AKAP6: variants seen among roughly 807,000 people sequenced by gnomAD.
The protein encoded by AKAP6 is A-kinase anchoring protein 6, also known as A-kinase anchor protein 6.
Under a neutral mutation model 188.5 loss-of-function variants are expected in AKAP6, and 58 were observed. The observed-to-expected ratio is 0.31, with a 90% CI of 0.25 to 0.38. The LOEUF is 0.38. AKAP6 is among the 10% of genes least tolerant of loss of function. The pLI is 1.00. For missense variants in AKAP6, 2,710 were observed against 2,740.0 expected (o/e 0.99, Z 0.24); for synonymous variants, 989 against 998.6 (o/e 0.99, Z 0.18).
chr14:32,693,583 C>T (rs904228253), intron 8 of AKAP6: 4 of 152,206 alleles, frequency 2.6e-5, no homozygotes, highest in Admixed American at 6.5e-5. Flanking sequence ...CATCCTTATG[C>T]TTTGGGCTTT....
chr14:32,672,831 T>A (rs545480060), intron 7 of AKAP6, among the ~76,000 whole-genome samples: 1 of 152,274 alleles, frequency 6.6e-6, no homozygotes, highest in East Asian at 1.9e-4. Flanking sequence ...TTTCTCCAAG[T>A]ACACCAGCCA....
At chr14:32,825,984 T>G (rs1298855998) in intron 13 of AKAP6, among the ~76,000 whole-genome samples, 1 of 152,232 alleles carries the variant, frequency 6.6e-6, no homozygotes, top group African/African-American at 2.4e-5. Flanking sequence ...CAAATACATC[T>G]TTTAAAATGT....
intron 2 of AKAP6, among the ~76,000 whole-genome samples, chr14:32,527,915 A>G (rs1048458598): frequency 6.6e-6 from 1 of 152,044 alleles, no homozygotes; most frequent in Non-Finnish European, 1.5e-5. Context: ...TCATTCTTTT[A>G]ATGATGTCTT....
intron 9 of AKAP6, among the ~76,000 whole-genome samples, chr14:32,712,786 C>T (rs1177508420): frequency 6.6e-6 from 1 of 152,090 alleles, no homozygotes; most frequent in Non-Finnish European, 1.5e-5. Flanking sequence ...ATTACTTCCT[C>T]CACTGAAGTG....
At chr14:32,500,196 C>G (rs572649740) in intron 2 of AKAP6, among the ~76,000 whole-genome samples, 1 of 152,240 alleles carries the variant, frequency 6.6e-6, no homozygotes, top group East Asian at 1.9e-4. Context: ...ATGAAGTTAT[C>G]AGCAGGAAAT....
intron 5 of AKAP6, among the ~76,000 whole-genome samples, chr14:32,593,993 A>G (rs192322961): frequency 2.6e-5 from 4 of 152,342 alleles, no homozygotes; most frequent in African/African-American, 7.2e-5. Flanking sequence ...ACAAAGTACC[A>G]TCTATTACGT....
At chr14:32,722,047 A>T (rs1385640068) in intron 9 of AKAP6, among the ~76,000 whole-genome samples, 1 of 152,190 alleles carries the variant, frequency 6.6e-6, no homozygotes, top group African/African-American at 2.4e-5. Context: ...CTGAGGTCAG[A>T]TGGAACAAAT....
rs367997229 is a variant in AKAP6, at chr14:32,619,346, T to A, written c.2730+18554T>A. ...ATTTAAGTCTTTCATCCATCTTCAG[T>A]TGAGTTTTGTATATAGTGAGAGTTA... is the stretch of plus-strand genomic sequence containing the variant. On this transcript the variant is annotated intron_variant, in intron 7 of 13. Coordinates refer to ENST00000280979, the MANE Select transcript of AKAP6 (RefSeq NM_004274.5). 9.2e-5 allele frequency among the ~76,000 whole-genome samples: 14 copies of A among 152,272 alleles called. No individual in the cohort carries two copies. The East Asian group carries it at 2.3e-3, about 25-fold the overall frequency.
intron 12 of AKAP6, among the ~76,000 whole-genome samples, chr14:32,800,323 G>T (rs72669850): frequency 0.057 from 8,586 of 151,346 alleles, 343 homozygotes; most frequent in South Asian, 0.15. Context: ...GATTGCTCAA[G>T]CCTAGGAGGC....
At chr14:32,461,157 T>G (rs1306928645) in intron 2 of AKAP6, among the ~76,000 whole-genome samples, 1 of 152,232 alleles carries the variant, frequency 6.6e-6, no homozygotes, top group Non-Finnish European at 1.5e-5. Context: ...TAGTTGTTCC[T>G]GCCTGTTCTC....
At chr14:32,335,686 A>G (rs980735438) in intron 1 of AKAP6, among the ~76,000 whole-genome samples, 2 of 152,144 alleles carry the variant, frequency 1.3e-5, no homozygotes, top group African/African-American at 2.4e-5. Flanking sequence ...AAGCAAGCTA[A>G]TTAACCATCC....
At chr14:32,735,594 G>T in intron 10 of AKAP6, 64 bp from the exon 11 acceptor site, 2 of 1,292,176 alleles carry the variant, frequency 1.5e-6, no homozygotes, top group African/African-American at 1.5e-5. Context: ...TTGTTTTTTT[G>T]TTGTTCGTGG....
At chr14:32,375,226 G>C (rs1888122510) in intron 1 of AKAP6, among the ~76,000 whole-genome samples, 1 of 152,094 alleles carries the variant, frequency 6.6e-6, no homozygotes. Context: ...TGAATTCAAG[G>C]TTTTCTAGCT....
rs562270738 is a variant in AKAP6, at chr14:32,408,259, C to G, written c.-34-25201C>G. On this transcript the variant is annotated intron_variant, in intron 1 of 13. Transcript: ENST00000280979. ...TGAACAGGGAAGGAGGGGAAAAGAACAAAAATCTGCTGAGGGATAATAAAA... is the reference window on the plus strand; with the variant it reads ...TGAACAGGGAAGGAGGGGAAAAGAAGAAAAATCTGCTGAGGGATAATAAAA... Among the ~76,000 whole-genome samples the G allele has an allele frequency of 2.6e-5, 4 of 151,982 alleles. No homozygotes were observed. The East Asian group carries it at 5.8e-4, about 22-fold the overall frequency.
intron 7 of AKAP6, among the ~76,000 whole-genome samples, chr14:32,641,956 A>T (rs549189467): frequency 2.6e-5 from 4 of 152,264 alleles, no homozygotes; most frequent in South Asian, 4.1e-4. Flanking sequence ...CGGCAAATAC[A>T]TGAAGATATC....
At chr14:32,409,429 C>T (rs1339687273) in intron 1 of AKAP6, among the ~76,000 whole-genome samples, 2 of 151,950 alleles carry the variant, frequency 1.3e-5, no homozygotes, top group Non-Finnish European at 2.9e-5. Context: ...CCTTTAAAGG[C>T]TAGACTAGTG....
chr14:32,620,609 A>G (rs114602694), intron 7 of AKAP6, among the ~76,000 whole-genome samples: 3,750 of 152,126 alleles, frequency 0.025, 158 homozygotes, highest in African/African-American at 0.086. Flanking sequence ...CATCAGAGAT[A>G]TTGGTCTGTA....
chr14:32,740,821 C>T (rs533847390), intron 11 of AKAP6, among the ~76,000 whole-genome samples: 1 of 151,796 alleles, frequency 6.6e-6, no homozygotes, highest in South Asian at 2.1e-4. Context: ...TATTCTTTTT[C>T]CTCAGGATAG....
Position 32,822,315 on chromosome 14 carries a change from G to A in AKAP6, c.4502G>A (p.Gly1501Asp). ...CATGTGGAGGATCCCCTGCTTCGTG[G>A]TTTTTATTTTGATAAAAAATCATGC... Reference protein sequence around the residue: ...KAHVEDPLLRGFYFDKKSCKS... With the variant: ...KAHVEDPLLRDFYFDKKSCKS... Residue 1501 changes from glycine to aspartate, a missense_variant, in exon 13 of 14, where the codon GGT becomes GAT. By Grantham distance (94) the Gly-to-Asp change is moderately conservative. Transcript: ENST00000280979. 6.2e-7 allele frequency: 1 copy of A among 1,613,858 alleles called. No individual in the cohort carries two copies. The highest frequency in any genetic ancestry group is 1.1e-5 in the South Asian group (1 of 91,070).
Sources: gnomAD v4.1 joint callset for allele counts (sites outside exome capture counted in the v4.1 genomes callset) on GRCh38, gnomAD v4.1.1 for gene constraint, MANE v1.5 for transcripts, NCBI Gene and HGNC (gene_info 2026-07-23, HGNC 2026-07-21) for gene names.